Variants in TACC2 observed in about 807,000 individuals in gnomAD.
TACC2 encodes transforming acidic coiled-coil containing protein 2.
TACC2 carries 137 observed loss-of-function variants against 227.3 expected under a neutral mutation model. The observed-to-expected ratio is 0.60, with a 90% CI of 0.52 to 0.69. The LOEUF (loss-of-function observed/expected upper bound fraction) is 0.69, where lower values mean the gene tolerates loss of function less well. Ranked by LOEUF, TACC2 falls within the 30% of genes least tolerant of loss-of-function variation. The probability of loss-of-function intolerance (pLI) is 0.00; values close to 1 mark genes in which losing one functional copy is unlikely to be tolerated. For missense variants in TACC2, 3,470 were observed against 3,694.4 expected, an observed-to-expected ratio of 0.94 and a Z score of 1.57; for synonymous variants, 1,523 against 1,487.5, an observed-to-expected ratio of 1.02 and a Z score of -0.55.
intron 2 of TACC2, among the ~76,000 whole-genome samples, chr10:122,037,856 A>G (rs936793486): frequency 1.3e-5 from 2 of 152,228 alleles, no homozygotes; most frequent in African/African-American, 4.8e-5. Context: ...CTGGGATAAT[A>G]GAGAGCAAGA....
chr10:122,159,577 C>A (rs1293898446), intron 7 of TACC2, among the ~76,000 whole-genome samples: 1 of 152,172 alleles, frequency 6.6e-6, no homozygotes, highest in Non-Finnish European at 1.5e-5. Flanking sequence ...TGCCTGGGGC[C>A]TCAGGTGGAG....
In TACC2 at chr10:122,195,107, C is replaced by G. The variant is rs1451142111; in HGVS notation, c.5902C>G (p.Pro1968Ala). ...GACCCCTGTCAAAGCTCCGCCAGCT[C>G]CACCCCCACCACCCCCCGAAGTCAT... ...STTPVKAPPA[P>A]PPPPPEVIPE... The change falls in exon 8 of 23, where the codon CCA becomes GCA. Residue 1968 changes from proline (P) to alanine (A), a missense_variant. Pro to Ala is a conservative substitution (Grantham distance 27). Around this residue, in one of 10 missense-constraint regions of TACC2, gnomAD observed 593 missense variants for 636.6 expected, o/e 0.93. Transcript: ENST00000369005. 6.2e-7 allele frequency: 1 copy of G among 1,612,302 alleles called. No individual in the cohort carries two copies. Among genetic ancestry groups the G allele is most frequent in the South Asian group, 1.1e-5 (1 of 90,970 alleles).
chr10:122,140,680 G>A (rs1053432277), intron 6 of TACC2, among the ~76,000 whole-genome samples: 4 of 152,212 alleles, frequency 2.6e-5, no homozygotes, highest in Non-Finnish European at 4.4e-5. Context: ...TTCAGGGCCC[G>A]ACTTCCTGAG....
chr10:122,088,602 G>C lies in TACC2; in HGVS notation c.5573+11G>C, dbSNP rs980307137. ...GGAAGGAACAGAAAGGTCAGCGAAAGATATTGGTCTTTGGAAGGCCATGAT... is the reference window on the plus strand; with the variant it reads ...GGAAGGAACAGAAAGGTCAGCGAAACATATTGGTCTTTGGAAGGCCATGAT... On this transcript the variant is annotated intron_variant, in intron 5 of 22. Transcript: ENST00000369005. 10 of 1,609,866 alleles carry C rather than the reference G, an allele frequency of 6.2e-6. No homozygotes were observed. Among genetic ancestry groups the C allele is most frequent in the Non-Finnish European group, 7.6e-6 (9 of 1,177,830 alleles).
chr10:122,248,348 A>G (rs2096175557), intron 19 of TACC2: 1 of 306,510 alleles, frequency 3.3e-6, no homozygotes, highest in Non-Finnish European at 6.1e-6. Context: ...ATCACCAGGG[A>G]CACCAATATA....
intron 8 of TACC2, among the ~76,000 whole-genome samples, chr10:122,208,990 C>T (rs577235988): frequency 6.6e-6 from 1 of 152,364 alleles, no homozygotes; most frequent in East Asian, 1.9e-4. Flanking sequence ...AGTAGCCAAG[C>T]CAAAGCTGGG....
chr10:122,023,529 G>GA (rs946776434), intron 2 of TACC2: 4 of 152,038 alleles, frequency 2.6e-5, no homozygotes, highest in Non-Finnish European at 5.9e-5. Context: ...ATCATTCTGA[G>GA]CAACCTATCG....
rs1489282823 is a variant in TACC2 at position 122,084,403 on chromosome 10, C to T, written c.1903C>T (p.Pro635Ser). ...RDHPSSHSAQPPRKGGAGHTD... is the reference protein window; with the variant it reads ...RDHPSSHSAQSPRKGGAGHTD... ...CCATCCCAGCTCACACTCAGCACAG[C>T]CACCCAGAAAGGGGGGTGCTGGGCA... The change falls in exon 4 of 23, where the codon CCA becomes TCA. Residue 635 changes from proline to serine, a missense_variant. Pro to Ser is a moderately conservative substitution (Grantham distance 74, BLOSUM62 -1). Coordinates refer to ENST00000369005, the MANE Select transcript of TACC2 (RefSeq NM_206862.4). The T allele has an allele frequency of 1.2e-6, 2 of 1,612,984 alleles. No individual in the cohort carries two copies. Among genetic ancestry groups the T allele is most frequent in the African/African-American group, 2.7e-5 (2 of 74,928 alleles).
intron 2 of TACC2, among the ~76,000 whole-genome samples, chr10:122,030,892 G>A (rs1483222790): frequency 6.6e-6 from 1 of 151,982 alleles, no homozygotes; most frequent in Admixed American, 6.6e-5. Context: ...GAGCCACCGC[G>A]AGTCCCTCCA....
In TACC2 at chr10:122,097,668, AGGGG is replaced by A. The variant is rs1313638237; in HGVS notation, c.5573+9078_5573+9081del. ...GAGTTTAAATCCTGGCTCCCACTGG[AGGGG>A]TGATGCTGGGTGCTATTAGGACTGC... On this transcript the variant is annotated intron_variant, in intron 5 of 22. Transcript: ENST00000369005. 2.2e-3 allele frequency among the ~76,000 whole-genome samples: 334 copies of A among 152,050 alleles called. 1 individual carries two copies. Among genetic ancestry groups the A allele is most frequent in the African/African-American group, 7.5e-3 (312 of 41,416 alleles).
chr10:122,207,008 G>C (rs142282945), intron 8 of TACC2, among the ~76,000 whole-genome samples: 2 of 152,272 alleles, frequency 1.3e-5, no homozygotes, highest in Non-Finnish European at 2.9e-5. Flanking sequence ...TCCAGTAGGG[G>C]AGCAGGGAGG....
chr10:122,036,793 A>G (rs1280335708), intron 2 of TACC2, among the ~76,000 whole-genome samples: 2 of 152,212 alleles, frequency 1.3e-5, no homozygotes, highest in Non-Finnish European at 2.9e-5. Flanking sequence ...TTTTGGGTAT[A>G]TACCTAGAAG....
At chr10:122,012,473 C>T (rs930390352) in intron 1 of TACC2, among the ~76,000 whole-genome samples, 10 of 148,506 alleles carry the variant, frequency 6.7e-5, no homozygotes, top group Admixed American at 6.8e-5. Flanking sequence ...AGGCTGATCT[C>T]GAACTCTTGA....
chr10:122,079,090 C>T (rs528971378), intron 3 of TACC2: 2 of 152,280 alleles, frequency 1.3e-5, no homozygotes, highest in South Asian at 4.1e-4. Context: ...TTGATAAAGC[C>T]GACATAAATA....
In TACC2 at chr10:122,083,131, G is replaced by T. The variant is rs775453520; in HGVS notation, c.631G>T (p.Ala211Ser). Residue 211 changes from alanine (A) to serine (S), a missense_variant, in exon 4 of 23, where the codon GCA becomes TCA. Coordinates refer to ENST00000369005, the MANE Select transcript of TACC2 (RefSeq NM_206862.4). ...SPVPLREPMK[A>S]PLCGEGDQPG... is the part of the protein sequence containing the mutation. ...AGTACCCCTCAGAGAGCCAATGAAG[G>T]CACCGCTGTGTGGAGAGGGGGACCA... 2.5e-6 allele frequency: 4 copies of T among 1,613,132 alleles called. No homozygotes were observed. Among genetic ancestry groups the T allele is most frequent in the East Asian group, 2.2e-5 (1 of 44,846 alleles).
chr10:122,058,885 C>G (rs541554825), intron 3 of TACC2, among the ~76,000 whole-genome samples: 56 of 126,880 alleles, frequency 4.4e-4, no homozygotes, highest in Middle Eastern at 3.8e-3. Flanking sequence ...AGCCCAGCCC[C>G]CTCTGTGTGT....
At chr10:122,015,991 T>C (rs1046849736) in intron 1 of TACC2, among the ~76,000 whole-genome samples, 4 of 150,708 alleles carry the variant, frequency 2.7e-5, no homozygotes, top group East Asian at 3.9e-4. Context: ...GGGGGTATGG[T>C]GGCTCACACA....
At chr10:122,116,802 C>T (rs1473734169) in intron 5 of TACC2, among the ~76,000 whole-genome samples, 1 of 152,132 alleles carries the variant, frequency 6.6e-6, no homozygotes, top group Admixed American at 6.6e-5. Context: ...CGCAGTTCTT[C>T]CTTATTTAGA....
chr10:122,227,505 C>G (rs930875247), intron 13 of TACC2, among the ~76,000 whole-genome samples: 1 of 152,314 alleles, frequency 6.6e-6, no homozygotes. Context: ...TTAATCTTCA[C>G]AGAGAGGTCC....
Sources: gnomAD v4.1 joint callset for allele counts (sites outside exome capture counted in the v4.1 genomes callset) on GRCh38, gnomAD v4.1.1 for gene constraint, gnomAD v4.1.1 regional missense constraint, MANE v1.5 for transcripts, NCBI Gene and HGNC (gene_info 2026-07-23, HGNC 2026-07-21) for gene names.